NDUFAF6: variants seen among roughly 807,000 people sequenced by gnomAD.
The protein encoded by NDUFAF6 is NADH dehydrogenase (ubiquinone) complex I, assembly factor 6.
A neutral mutation model predicts 40.8 loss-of-function variants in NDUFAF6; 45 were observed. The observed-to-expected ratio is 1.10, with a 90% CI of 0.87 to 1.42. The LOEUF (loss-of-function observed/expected upper bound fraction) is 1.42, where lower values mean the gene tolerates loss of function less well. Ranked by LOEUF, NDUFAF6 falls within the 40% of genes most tolerant of loss-of-function variation. NDUFAF6 has a pLI of 0.00. For missense variants in NDUFAF6, 435 were observed against 418.5 expected, an observed-to-expected ratio of 1.04 and a Z score of -0.34; for synonymous variants, 185 against 155.9, an observed-to-expected ratio of 1.19 and a Z score of -1.39.
chr8:94,945,629 A>G (rs1821918820), intron 2 of NDUFAF6: 1 of 152,220 alleles, frequency 6.6e-6, no homozygotes, highest in Non-Finnish European at 1.5e-5. Context: ...GGTAAATGGA[A>G]AAGTAGAGCT....
At chr8:95,115,862 G>A (rs1047580942) in intron 5 of NDUFAF6, 1 of 152,294 alleles carries the variant, frequency 6.6e-6, no homozygotes, top group Non-Finnish European at 1.5e-5. Flanking sequence ...TGTCCGCCGG[G>A]CGCGGTGGCT....
At position 95,025,285 on chromosome 8, in the gene NDUFAF6, ACGTTTGAG is replaced by A. The variant is rs1827966176; in HGVS notation, c.197+83_197+90del. The A allele has an allele frequency of 3.9e-6, 5 of 1,281,176 alleles. No individual in the cohort carries two copies. The East Asian group carries it at 1.6e-4, about 40-fold the overall frequency. The allele number at this position is 1,281,176 out of a possible 1,614,324, so 79.4% of individuals were successfully genotyped here. A position where few individuals can be genotyped will look rare whatever the true frequency, so the allele number is the denominator to read the frequency against. On this transcript the variant is annotated intron_variant, in intron 1 of 8. Transcript: ENST00000396124. The stretch of plus-strand genomic sequence containing the variant: ...GCGGCTGCGCCTCGCGTCTGGCCTG[ACGTTTGAG>A]CGAGCGGACCGGCGCCTTCCTCGTG...
intron 6 of NDUFAF6, 110 bp downstream of exon 6, chr8:95,047,237 C>T: frequency 7.0e-7 from 1 of 1,431,852 alleles, no homozygotes; most frequent in Non-Finnish European, 9.7e-7. Context: ...GAAAGGAATG[C>T]TTATTGCTTA....
intron 1 of NDUFAF6, among the ~76,000 whole-genome samples, chr8:94,909,960 C>T (rs933389757): frequency 2.6e-5 from 4 of 151,972 alleles, no homozygotes; most frequent in African/African-American, 4.8e-5. Context: ...GCTTTGTCTG[C>T]ATCAGAGGCC....
chr8:95,057,820 G>A lies in NDUFAF6; in HGVS notation c.885G>A (p.Glu295=). The A allele has an allele frequency of 3.1e-6, 5 of 1,611,220 alleles. No homozygotes were observed. Among genetic ancestry groups the A allele is most frequent in the Non-Finnish European group, 4.2e-6 (5 of 1,178,510 alleles). ...FPAFLQTVSL[E]DFLKKIQRVD... is the part of the protein sequence containing the mutation. ...TCTCTTTTTTCCAGGTTTCTCTAGA[G>A]GACTTTCTAAAGAAAATTCAGCGAG... Residue 295 remains glutamate, a synonymous_variant, in exon 9 of 9, where the codon GAG becomes GAA. Transcript: ENST00000396124.
At chr8:94,961,869 T>C (rs1823604629) in intron 1 of NDUFAF6, among the ~76,000 whole-genome samples, 1 of 152,224 alleles carries the variant, frequency 6.6e-6, no homozygotes, top group Non-Finnish European at 1.5e-5. Flanking sequence ...TTTGCTATGA[T>C]TCTCCAGTGT....
At chr8:94,995,806 C>T (rs1362539271) in intron 2 of NDUFAF6, among the ~76,000 whole-genome samples, 2 of 152,118 alleles carry the variant, frequency 1.3e-5, no homozygotes, top group Non-Finnish European at 2.9e-5. Context: ...GAGACGGAGT[C>T]TCGCTCTGTC....
In NDUFAF6 at chr8:95,025,208, G is replaced by C. The variant is rs1238724853; in HGVS notation, c.197+3G>C. On this transcript the variant is annotated splice_donor_region_variant and intron_variant, in intron 1 of 8. Transcript: ENST00000396124. The stretch of plus-strand genomic sequence containing the variant: ...CACTACTGCCTGGAGCTGCTGCGGT[G>C]AGCGAGCACGACCTTCCCTGGCGCG... 1.4e-6 allele frequency: 2 copies of C among 1,422,512 alleles called. No individual in the cohort carries two copies. Among genetic ancestry groups the C allele is most frequent in the Admixed American group, 3.3e-5 (1 of 30,272 alleles). 88.1% of individuals were successfully genotyped at this position (1,422,512 alleles called of 1,614,324 possible). A position where few individuals can be genotyped will look rare whatever the true frequency, so the allele number is the denominator to read the frequency against.
chr8:95,077,259 G>A (rs2132045947), downstream of NDUFAF6, among the ~76,000 whole-genome samples: 1 of 152,336 alleles, frequency 6.6e-6, no homozygotes, highest in Middle Eastern at 3.4e-3. Context: ...GGGGCTTACA[G>A]TCTGGAGAGG....
chr8:94,997,029 C>T (rs1053123449), intron 2 of NDUFAF6, among the ~76,000 whole-genome samples: 1 of 151,696 alleles, frequency 6.6e-6, no homozygotes, highest in African/African-American at 2.4e-5. Flanking sequence ...AGGGTTATGT[C>T]ACCTGCCACC....
chr8:95,039,723 G>T (rs1485793474), intron 3 of NDUFAF6, among the ~76,000 whole-genome samples: 2 of 151,846 alleles, frequency 1.3e-5, no homozygotes, highest in African/African-American at 2.4e-5. Context: ...GAATTCCTGG[G>T]CTTTATCCTC....
At chr8:95,049,204 C>G (rs190290498) in intron 7 of NDUFAF6, among the ~76,000 whole-genome samples, 1 of 152,182 alleles carries the variant, frequency 6.6e-6, no homozygotes, top group Admixed American at 6.5e-5. Context: ...ACTCGTTTTC[C>G]TGAACTCTTC....
chr8:95,021,668 C>A (rs920209804), upstream of NDUFAF6, among the ~76,000 whole-genome samples: 1 of 152,160 alleles, frequency 6.6e-6, no homozygotes, highest in African/African-American at 2.4e-5. Context: ...TTCTCTGGAC[C>A]ATTAAGGGAC....
intron 4 of NDUFAF6, among the ~76,000 whole-genome samples, chr8:95,113,707 T>C (rs1810060084): frequency 6.6e-6 from 1 of 152,140 alleles, no homozygotes; most frequent in Non-Finnish European, 1.5e-5. Context: ...ACCTCCATCC[T>C]TGGACTAGAG....
chr8:95,000,349 AGCT>A (rs1397360595), intron 2 of NDUFAF6, among the ~76,000 whole-genome samples: 1 of 151,982 alleles, frequency 6.6e-6, no homozygotes, highest in Admixed American at 6.6e-5. Flanking sequence ...AAAAAATGAA[AGCT>A]TATTTGGACA....
intron 1 of NDUFAF6, among the ~76,000 whole-genome samples, chr8:94,909,567 A>G (rs1818628251): frequency 6.6e-6 from 1 of 151,664 alleles, no homozygotes; most frequent in Non-Finnish European, 1.5e-5. Flanking sequence ...CTGAGGTTGC[A>G]GTGAGCTGAG....
chr8:94,989,217 T>C (rs768527992), intron 2 of NDUFAF6: 2 of 152,204 alleles, frequency 1.3e-5, no homozygotes, highest in Admixed American at 6.5e-5. Context: ...CCCAGATATG[T>C]TGTGAAGCTC....
chr8:95,041,177 G>A (rs1830104876), intron 3 of NDUFAF6, among the ~76,000 whole-genome samples: 1 of 152,100 alleles, frequency 6.6e-6, no homozygotes, highest in Admixed American at 6.5e-5. Flanking sequence ...TTTGAACACA[G>A]AAGTTCAAGA....
intron 1 of NDUFAF6, among the ~76,000 whole-genome samples, chr8:94,916,838 G>T (rs925315653): frequency 1.4e-5 from 2 of 146,568 alleles, no homozygotes; most frequent in Non-Finnish European, 3.0e-5. Flanking sequence ...AAAAAGGCCG[G>T]GCGCGGTGGC....
Sources: gnomAD v4.1 joint callset for allele counts (sites outside exome capture counted in the v4.1 genomes callset) on GRCh38, gnomAD v4.1.1 for gene constraint, MANE v1.5 for transcripts, NCBI Gene and HGNC (gene_info 2026-07-23, HGNC 2026-07-21) for gene names.